Variants in OSBPL1A observed in about 807,000 individuals in gnomAD.
OSBPL1A encodes oxysterol-binding protein-related protein 1.
OSBPL1A carries 80 observed loss-of-function variants against 137.1 expected under a neutral mutation model. The observed-to-expected ratio is 0.58, with a 90% CI of 0.49 to 0.70. OSBPL1A has a LOEUF of 0.70. OSBPL1A is among the 30% of genes least tolerant of loss of function. The pLI, the probability that OSBPL1A is intolerant of heterozygous loss-of-function variation, is 0.00. For synonymous variants in OSBPL1A, 365 were observed against 389.7 expected (o/e 0.94, Z 0.75); for missense variants, 970 against 1,129.4 (o/e 0.86, Z 2.02).
rs1166653980 is a variant in OSBPL1A at position 24,317,189 on chromosome 18, T to C, written c.830A>G (p.Tyr277Cys). The C allele has an allele frequency of 1.9e-6, 3 of 1,613,850 alleles. No homozygotes were observed. The highest frequency in any genetic ancestry group is 2.5e-6 in the Non-Finnish European group (3 of 1,179,972). ...AGTCAGGTGTTTGCATCCCTGGCGA[T>C]AAATATTATGAACTGCATCAGGCCT... is the stretch of plus-strand genomic sequence containing the variant. ...RKQPDAVHNI[Y>C]RQGCKHLTQA... Residue 277 changes from tyrosine (Y) to cysteine (C), a missense_variant, in exon 11 of 28, where the codon TAT becomes TGT. Around this residue, in one of 2 missense-constraint regions of OSBPL1A, gnomAD observed 647 missense variants for 672.6 expected, o/e 0.96. Coordinates refer to ENST00000319481, the MANE Select transcript of OSBPL1A (RefSeq NM_080597.4).
At chr18:24,197,454 CTAAAT>C (rs2087068065) in intron 17 of OSBPL1A, among the ~76,000 whole-genome samples, 1 of 152,222 alleles carries the variant, frequency 6.6e-6, no homozygotes, top group Non-Finnish European at 1.5e-5. Context: ...TGAAGAACCT[CTAAAT>C]TAAACTAATT....
chr18:24,351,661 T>C (rs867961273), intron 4 of OSBPL1A, among the ~76,000 whole-genome samples: 1 of 152,118 alleles, frequency 6.6e-6, no homozygotes, highest in African/African-American at 2.4e-5. Context: ...TGCCCCAGCC[T>C]CCTGAGTAGC....
intron 4 of OSBPL1A, among the ~76,000 whole-genome samples, chr18:24,346,541 C>A (rs1044216330): frequency 6.6e-6 from 1 of 152,142 alleles, no homozygotes; most frequent in African/African-American, 2.4e-5. Context: ...CTACTCTGGA[C>A]ATTTCTATAA....
chr18:24,189,867 C>T (rs1350249088), intron 18 of OSBPL1A, among the ~76,000 whole-genome samples: 1 of 152,144 alleles, frequency 6.6e-6, no homozygotes, highest in Non-Finnish European at 1.5e-5. Context: ...CCATGGGGGA[C>T]AACAGGGGCC....
intron 17 of OSBPL1A, among the ~76,000 whole-genome samples, chr18:24,215,330 C>T (rs2087664024): frequency 6.6e-6 from 1 of 152,094 alleles, no homozygotes; most frequent in Non-Finnish European, 1.5e-5. Context: ...TGTGCTGTAT[C>T]AACATGATAC....
intron 14 of OSBPL1A, among the ~76,000 whole-genome samples, chr18:24,295,359 G>C (rs2090269870): frequency 6.6e-6 from 1 of 152,142 alleles, no homozygotes; most frequent in Non-Finnish European, 1.5e-5. Flanking sequence ...CCCATTCTCT[G>C]GTTGTCTATT....
At chr18:24,303,816 GATATACC>G in intron 13 of OSBPL1A, 98 bp from the exon 14 acceptor site, 1 of 953,552 alleles carries the variant, frequency 1.0e-6, no homozygotes, top group East Asian at 2.5e-5. Flanking sequence ...TACATAGATT[GATATACC>G]ATAACAGAGA....
At chr18:24,293,320 C>T (rs1205494944) in intron 14 of OSBPL1A, among the ~76,000 whole-genome samples, 1 of 151,904 alleles carries the variant, frequency 6.6e-6, no homozygotes, top group African/African-American at 2.4e-5. Flanking sequence ...AGGCCAGTGG[C>T]CAGGCAGAGG....
At chr18:24,173,907 T>G (rs1010650926) in intron 21 of OSBPL1A, among the ~76,000 whole-genome samples, 1 of 152,216 alleles carries the variant, frequency 6.6e-6, no homozygotes, top group Non-Finnish European at 1.5e-5. Flanking sequence ...TCCTAATCCC[T>G]GGATCTCCAA....
At chr18:24,164,594 A>G (rs1168695085) in intron 27 of OSBPL1A, among the ~76,000 whole-genome samples, 1 of 151,756 alleles carries the variant, frequency 6.6e-6, no homozygotes, top group Non-Finnish European at 1.5e-5. Flanking sequence ...ACGCCCAGCT[A>G]ATTTTTTGTA....
At position 24,314,282 on chromosome 18, in the gene OSBPL1A, C is replaced by A; in HGVS notation, c.936G>T (p.Arg312=). The change falls in exon 12 of 28, where the codon CGG becomes CGT. Residue 312 remains arginine, a synonymous_variant. Transcript: ENST00000319481. ...KCFDDTIHGF[R]VPKNSLQQSR... is the part of the protein sequence containing the mutation. ...ACTGCTGAAGGCTATTCTTAGGAAC[C>A]CGGAAGCCATGAATGGTGTCATCAA... 6.2e-7 allele frequency: 1 copy of A among 1,610,690 alleles called. No individual in the cohort carries two copies. The highest frequency in any genetic ancestry group is 1.7e-5 in the Admixed American group (1 of 59,250).
chr18:24,298,396 G>C (rs1233973472), intron 14 of OSBPL1A, among the ~76,000 whole-genome samples: 2 of 152,174 alleles, frequency 1.3e-5, no homozygotes, highest in African/African-American at 4.8e-5. Context: ...ACCCAGGCTG[G>C]AGTGCAGTGG....
chr18:24,289,490 T>C (rs2090137307), intron 14 of OSBPL1A, among the ~76,000 whole-genome samples: 1 of 150,102 alleles, frequency 6.7e-6, no homozygotes, highest in Admixed American at 6.6e-5. Flanking sequence ...GGCATGATCT[T>C]GGCTCACTGT....
At chr18:24,381,731 G>A (rs923285045) in intron 1 of OSBPL1A, among the ~76,000 whole-genome samples, 2 of 152,036 alleles carry the variant, frequency 1.3e-5, no homozygotes, top group African/African-American at 4.8e-5. Context: ...GCCGAGGAGG[G>A]CAGATCACTT....
chr18:24,202,377 T>C, intron 17 of OSBPL1A, among the ~76,000 whole-genome samples: 1 of 152,384 alleles, frequency 6.6e-6, no homozygotes, highest in East Asian at 1.9e-4. Context: ...TAAATTGTTA[T>C]TTTTATAAAG....
rs200000947 is a variant in OSBPL1A, at chr18:24,225,033, C to G, written c.1601+9G>C. On this transcript the variant is annotated intron_variant, in intron 17 of 27. Coordinates refer to ENST00000319481, the MANE Select transcript of OSBPL1A (RefSeq NM_080597.4). ...ACGCAGCAGTGACAACTGTCAGAGG[C>G]GATCCTACCTGTGTTTCTTGATGCC... is the stretch of plus-strand genomic sequence containing the variant. 1 of 1,613,834 alleles carries G rather than the reference C, an allele frequency of 6.2e-7. No individual in the cohort carries two copies. The highest frequency in any genetic ancestry group is 1.3e-5 in the African/African-American group (1 of 74,926).
chr18:24,346,016 CAACT>C (rs1568042092), intron 4 of OSBPL1A, among the ~76,000 whole-genome samples: 1 of 152,190 alleles, frequency 6.6e-6, no homozygotes, highest in Admixed American at 6.5e-5. Flanking sequence ...GCCAATTTGA[CAACT>C]AACTACTAAA....
intron 14 of OSBPL1A, among the ~76,000 whole-genome samples, chr18:24,294,540 G>A (rs2090255376): frequency 6.6e-6 from 1 of 151,948 alleles, no homozygotes; most frequent in East Asian, 1.9e-4. Flanking sequence ...GGTCCAATAT[G>A]TAGATTTTAA....
At chr18:24,259,457 T>G (rs1003304861) in intron 15 of OSBPL1A, among the ~76,000 whole-genome samples, 1 of 152,152 alleles carries the variant, frequency 6.6e-6, no homozygotes, top group Non-Finnish European at 1.5e-5. Flanking sequence ...GACAAATGAC[T>G]AAGTTCTGGC....
Sources: allele counts gnomAD v4.1 joint callset (sites outside exome capture counted in the v4.1 genomes callset), GRCh38; gene constraint gnomAD v4.1.1; regional missense constraint gnomAD v4.1.1; transcripts MANE v1.5; gene names NCBI Gene and HGNC (gene_info 2026-07-23, HGNC 2026-07-21).